KIAA0232: variants seen among roughly 807,000 people sequenced by gnomAD.
The protein encoded by KIAA0232 is KIAA0232.
Under a neutral mutation model 122.0 loss-of-function variants are expected in KIAA0232, and 27 were observed. The ratio of observed to expected loss-of-function variants is 0.22; its 90% CI spans 0.16 to 0.31. The LOEUF (loss-of-function observed/expected upper bound fraction) is 0.31. KIAA0232 is among the 10% of genes least tolerant of loss of function. KIAA0232 has a pLI of 1.00. For synonymous variants in KIAA0232, 613 were observed against 587.6 expected (o/e 1.04, Z -0.63); for missense variants, 1,551 against 1,634.2 (o/e 0.95, Z 0.88).
intron 2 of KIAA0232, among the ~76,000 whole-genome samples, chr4:6,809,967 A>T (rs1301456489): frequency 6.6e-6 from 1 of 152,210 alleles, no homozygotes; most frequent in Non-Finnish European, 1.5e-5. Context: ...ATGCTCATGG[A>T]TTGGAAGAAT....
chr4:6,868,758 G>C (rs1577415076), intron 7 of KIAA0232, among the ~76,000 whole-genome samples: 1 of 152,152 alleles, frequency 6.6e-6, no homozygotes, highest in Non-Finnish European at 1.5e-5. Flanking sequence ...GCATGATCCA[G>C]CCTAAAAGTT....
chr4:6,803,204 CATATAT>C (rs34234535), intron 1 of KIAA0232, among the ~76,000 whole-genome samples: 3 of 141,616 alleles, frequency 2.1e-5, no homozygotes, highest in African/African-American at 5.2e-5. Flanking sequence ...AAAATGAGTG[CATATAT>C]ATATATATAT....
chr4:6,860,248 G>C (rs141482571), intron 6 of KIAA0232, among the ~76,000 whole-genome samples: 4 of 152,276 alleles, frequency 2.6e-5, no homozygotes, highest in African/African-American at 9.6e-5. Context: ...AACCCTGAGA[G>C]GTAAATATTA....
rs556384843 is a variant in KIAA0232, at chr4:6,882,338, G to A, written c.*1372G>A. ...CAGGAATGGCAGAAAAGTCTGATGC[G>A]CTCTAGACAGCTTCACCACTCATTT... On this transcript the variant is annotated 3_prime_UTR_variant, in exon 10 of 10. Transcript: ENST00000307659. 4.6e-5 allele frequency: 7 copies of A among 152,278 alleles called. No homozygotes were observed. The highest frequency in any genetic ancestry group is 1.7e-4 in the African/African-American group (7 of 41,548). The allele number at this position is 152,278 out of a possible 1,614,324, so 9.4% of individuals were successfully genotyped here. A position where few individuals can be genotyped will look rare whatever the true frequency, so the allele number is the denominator to read the frequency against.
chr4:6,847,477 A>G (rs1235660300), intron 4 of KIAA0232, among the ~76,000 whole-genome samples: 2 of 152,210 alleles, frequency 1.3e-5, no homozygotes, highest in Non-Finnish European at 1.5e-5. Context: ...AATTTTATAC[A>G]TTGATTAAAA....
chr4:6,791,696 T>C (rs955573162), intron 1 of KIAA0232, among the ~76,000 whole-genome samples: 5 of 152,224 alleles, frequency 3.3e-5, no homozygotes, highest in African/African-American at 9.7e-5. Flanking sequence ...TGTATTCATC[T>C]TGCCTTGAAG....
chr4:6,787,037 C>T lies in KIAA0232; in HGVS notation c.-354+4196C>T, dbSNP rs749481144. On this transcript the variant is annotated intron_variant, in intron 1 of 9. Transcript: ENST00000307659. ...CTCTACTAAAAATACAAAAATTATC[C>T]GGGCATGGTGGAGCACGCCTATAGT... is the stretch of plus-strand genomic sequence containing the variant. Among the ~76,000 whole-genome samples, 17 of 151,942 alleles carry T rather than the reference C, an allele frequency of 1.1e-4. No individual in the cohort carries two copies. In the East Asian group the frequency reaches 1.2e-3, roughly 10 times the overall value.
intron 4 of KIAA0232, among the ~76,000 whole-genome samples, chr4:6,842,810 AAC>A (rs1719735252): frequency 6.6e-6 from 1 of 152,046 alleles, no homozygotes; most frequent in African/African-American, 2.4e-5. Context: ...GCTGGTCTTG[AAC>A]TCCTGATCTC....
At chr4:6,877,429 A>G (rs1721817055) in intron 9 of KIAA0232, among the ~76,000 whole-genome samples, 1 of 152,154 alleles carries the variant, frequency 6.6e-6, no homozygotes, top group Non-Finnish European at 1.5e-5. Context: ...ATTTGGTGTG[A>G]ATTGTCAGTG....
intron 1 of KIAA0232, among the ~76,000 whole-genome samples, chr4:6,787,952 T>C (rs1332172271): frequency 2.0e-5 from 3 of 152,196 alleles, no homozygotes; most frequent in Admixed American, 6.5e-5. Flanking sequence ...TGAGAATTAA[T>C]GTTAAAGAGT....
chr4:6,857,915 G>A (rs1394922934), intron 5 of KIAA0232, among the ~76,000 whole-genome samples: 1 of 152,158 alleles, frequency 6.6e-6, no homozygotes, highest in African/African-American at 2.4e-5. Flanking sequence ...GTAACCTAAG[G>A]CAGTATCCTA....
chr4:6,844,081 A>C (rs959027504), intron 4 of KIAA0232, among the ~76,000 whole-genome samples: 1 of 151,222 alleles, frequency 6.6e-6, no homozygotes, highest in Non-Finnish European at 1.5e-5. Context: ...CTGGGACTAC[A>C]GGCGCCCGCC....
Position 6,862,824 on chromosome 4 carries a change from T to G in KIAA0232, c.2442T>G (p.Ser814Arg). 6.2e-7 allele frequency: 1 copy of G among 1,614,160 alleles called. No homozygotes were observed. The highest frequency in any genetic ancestry group is 8.5e-7 in the Non-Finnish European group (1 of 1,180,028). ...NFETTQVCNE[S>R]PHGDGYSSGV... ...AAACTACACAAGTATGTAATGAAAG[T>G]CCACATGGAGATGGCTACAGCTCAG... The change falls in exon 7 of 10, where the codon AGT (serine) becomes AGG (arginine). Residue 814 changes from serine to arginine, a missense_variant. Coordinates refer to ENST00000307659, the MANE Select transcript of KIAA0232 (RefSeq NM_014743.3).
At chr4:6,836,260 A>G (rs1719261504) in intron 3 of KIAA0232, among the ~76,000 whole-genome samples, 1 of 150,672 alleles carries the variant, frequency 6.6e-6, no homozygotes, top group African/African-American at 2.4e-5. Context: ...GGCTGCATAA[A>G]TGTCTTCTTT....
intron 2 of KIAA0232, among the ~76,000 whole-genome samples, chr4:6,821,641 GATACGTGTAT>G (rs949600735): frequency 6.0e-5 from 9 of 150,254 alleles, no homozygotes; most frequent in Admixed American, 6.6e-5. Flanking sequence ...CGTGTATATA[GATACGTGTAT>G]ATACGTGTAT....
Position 6,871,618 on chromosome 4 carries a change from A to G in KIAA0232, c.3846A>G (p.Gln1282=). ...ATATACAAGGAATGAATAGAAGTCA[A>G]GAAAAACAGACCTGGTGGGAAAAAG... ...NTDIQGMNRS[Q]EKQTWWEKAL... Residue 1282 remains glutamine (Q), a synonymous_variant, in exon 8 of 10, where the codon CAA becomes CAG. Coordinates refer to ENST00000307659, the MANE Select transcript of KIAA0232 (RefSeq NM_014743.3). 1.2e-6 allele frequency: 2 copies of G among 1,613,108 alleles called. No individual in the cohort carries two copies. Among genetic ancestry groups the G allele is most frequent in the Non-Finnish European group, 1.7e-6 (2 of 1,179,008 alleles).
In KIAA0232 at chr4:6,876,773, T is replaced by G. The variant is rs2108848331; in HGVS notation, c.4008+16T>G. On this transcript the variant is annotated intron_variant, in intron 9 of 9. Coordinates refer to ENST00000307659, the MANE Select transcript of KIAA0232 (RefSeq NM_014743.3). The stretch of plus-strand genomic sequence containing the variant: ...TTTTAATAGGGTAAGTGGACTGTCC[T>G]CCTCCTCGTCATTAACTTACAAACA... 6.5e-7 allele frequency: 1 copy of G among 1,531,256 alleles called. No homozygotes were observed. The highest frequency in any genetic ancestry group is 2.2e-5 in the East Asian group (1 of 44,510). The allele number at this position is 1,531,256 out of a possible 1,614,324, so 94.9% of individuals were successfully genotyped here.
chr4:6,834,693 C>T (rs1157156349), intron 3 of KIAA0232, among the ~76,000 whole-genome samples: 1 of 152,058 alleles, frequency 6.6e-6, no homozygotes, highest in Non-Finnish European at 1.5e-5. Flanking sequence ...TGACAAATTC[C>T]AGTGGCAATT....
At position 6,795,376 on chromosome 4, in the gene KIAA0232, T is replaced by C. The variant is rs899569833; in HGVS notation, c.-353-9147T>C. ...CGTGAGCCACCGCGCCCGGCCCACA[T>C]GTGGCTTTTGAACTTTGCATGCAGC... On this transcript the variant is annotated intron_variant, in intron 1 of 9. Coordinates refer to ENST00000307659, the MANE Select transcript of KIAA0232 (RefSeq NM_014743.3). Among the ~76,000 whole-genome samples the C allele has an allele frequency of 9.2e-5, 14 of 152,318 alleles. 1 individual carries two copies. In the South Asian group the frequency reaches 2.7e-3, roughly 29 times the overall value.
Sources: allele counts gnomAD v4.1 joint callset (sites outside exome capture counted in the v4.1 genomes callset), GRCh38; gene constraint gnomAD v4.1.1; transcripts MANE v1.5; gene names NCBI Gene and HGNC (gene_info 2026-07-23, HGNC 2026-07-21).